The following HYDIN variants were observed in gnomAD, a reference collection of about 807,000 sequenced individuals.
The protein encoded by HYDIN is axonemal central pair apparatus protein HYDIN.
Under a neutral mutation model 403.9 loss-of-function variants are expected in HYDIN, and 132 were observed. The observed-to-expected ratio is 0.33, with a 90% confidence interval of 0.28 to 0.38. The LOEUF is 0.38. Ranked by LOEUF, HYDIN falls within the 10% of genes least tolerant of loss-of-function variation. HYDIN has a pLI of 1.00. For synonymous variants in HYDIN, 1,202 were observed against 1,891.7 expected (o/e 0.64, Z 9.46); for missense variants, 2,827 against 5,009.5 (o/e 0.56, Z 13.15).
At position 70,974,296 on chromosome 16, in the gene HYDIN, G is replaced by A. The variant is rs531348075; in HGVS notation, c.4914C>T (p.Phe1638=). The A allele has an allele frequency of 3.8e-6, 6 of 1,593,602 alleles. No homozygotes were observed. The South Asian group carries it at 5.7e-5, about 15-fold the overall frequency. Residue 1638 remains phenylalanine (F), a synonymous_variant, in exon 33 of 86, where the codon TTC becomes TTT. Coordinates refer to ENST00000393567, the MANE Select transcript of HYDIN (RefSeq NM_001270974.2). ...TCTTTACACGATCTAGCTCAGTACT[G>A]AATCCTGGACCAAGACAAAAAAAAA... ...ADKRVLHETG[F]STELDRVKNL...
chr16:70,926,860 G>A (rs1478682568), intron 45 of HYDIN, among the ~76,000 whole-genome samples: 1 of 151,984 alleles, frequency 6.6e-6, no homozygotes, highest in Non-Finnish European at 1.5e-5. Context: ...AAAACTGAAA[G>A]GAAGTTTGAA....
chr16:70,991,171 T>A, intron 25 of HYDIN, 147 bp downstream of exon 25: 1 of 1,087,864 alleles, frequency 9.2e-7, no homozygotes, highest in Non-Finnish European at 1.3e-6. Context: ...CTGGGGTGTT[T>A]GGCTGGGAAG....
rs1347461017 is a variant in HYDIN at position 70,955,418 on chromosome 16, G to C, written c.6273C>G (p.Ile2091Met). 7 of 1,614,068 alleles carry C rather than the reference G, an allele frequency of 4.3e-6. No individual in the cohort carries two copies. Among genetic ancestry groups the C allele is most frequent in the Non-Finnish European group, 5.9e-6 (7 of 1,179,974 alleles). The stretch of plus-strand genomic sequence containing the variant: ...TCACGGACTGCTCTATGGCAGCCCT[G>C]ATGCAGAGCTCACGGGCCCGGATCC... ...IPGIRARELC[I>M]RAAIEQSVKE... Residue 2091 changes from isoleucine to methionine, a missense_variant, in exon 40 of 86, where the codon ATC becomes ATG. Transcript: ENST00000393567.
At chr16:70,891,986 T>C in intron 56 of HYDIN, 102 bp from the exon 57 acceptor site, 2 of 409,582 alleles carry the variant, frequency 4.9e-6, no homozygotes, top group Non-Finnish European at 8.6e-6. Context: ...CATGAAGCCA[T>C]GTTCTTTATT....
chr16:70,976,930 G>C (rs974079618), intron 30 of HYDIN, among the ~76,000 whole-genome samples: 3 of 151,848 alleles, frequency 2.0e-5, no homozygotes, highest in African/African-American at 7.2e-5. Context: ...GTGACAAACT[G>C]GGAGAGGAGC....
At chr16:70,976,533 T>C (rs1430480520) in intron 30 of HYDIN, among the ~76,000 whole-genome samples, 1 of 151,104 alleles carries the variant, frequency 6.6e-6, no homozygotes, top group Non-Finnish European at 1.5e-5. Flanking sequence ...CATACACACA[T>C]GCATGTAAAA....
chr16:71,018,581 TACACATATAAAC>T (rs1230755165), intron 22 of HYDIN, 139 bp from the exon 23 acceptor site: 2 of 631,228 alleles, frequency 3.2e-6, no homozygotes, highest in Non-Finnish European at 5.6e-6. Context: ...TATTTGTGCA[TACACATATAAAC>T]ACACATATTA....
intron 30 of HYDIN, among the ~76,000 whole-genome samples, chr16:70,975,870 G>T (rs2078872357): frequency 9.5e-6 from 1 of 105,578 alleles, no homozygotes; most frequent in Non-Finnish European, 2.0e-5. Context: ...TCTTTGAAAT[G>T]TTATCGCTTT....
At chr16:71,007,408 T>C (rs949964491) in intron 23 of HYDIN, among the ~76,000 whole-genome samples, 2 of 152,154 alleles carry the variant, frequency 1.3e-5, no homozygotes, top group Non-Finnish European at 2.9e-5. Flanking sequence ...AAATATAAAA[T>C]AGATATATAG....
rs547851155 is a variant in HYDIN at position 70,837,570 on chromosome 16, A to C, written c.13242+120T>G. 9.5e-5 allele frequency: 66 copies of C among 696,766 alleles called. No homozygotes were observed. In the East Asian group the frequency reaches 1.8e-3, roughly 19 times the overall value. The allele number at this position is 696,766 out of a possible 1,614,324, so 43.2% of individuals were successfully genotyped here. ...AGTGGGACTCGCTGACCTACAACAG[A>C]GCAGCCTGGGGCAGAGAAGCAGAGG... On this transcript the variant is annotated intron_variant, in intron 77 of 85. Coordinates refer to ENST00000393567, the MANE Select transcript of HYDIN (RefSeq NM_001270974.2).
chr16:70,896,167 G>C, intron 53 of HYDIN, 87 bp from the exon 54 acceptor site: 2 of 1,526,602 alleles, frequency 1.3e-6, no homozygotes, highest in Non-Finnish European at 1.8e-6. Flanking sequence ...CGGGGATACG[G>C]CAGGGAACGT....
chr16:70,928,162 T>C (rs960896180), intron 45 of HYDIN, among the ~76,000 whole-genome samples: 2 of 152,124 alleles, frequency 1.3e-5, no homozygotes, highest in South Asian at 2.1e-4. Context: ...AAAAAATATA[T>C]AGTGAGAATT....
At chr16:71,082,239 T>C (rs995888881) in intron 12 of HYDIN, among the ~76,000 whole-genome samples, 1 of 152,156 alleles carries the variant, frequency 6.6e-6, no homozygotes, top group Non-Finnish European at 1.5e-5. Flanking sequence ...TGAGAACAGA[T>C]GATGTATTAT....
At chr16:71,204,526 T>C (rs2088191852) in intron 1 of HYDIN, among the ~76,000 whole-genome samples, 1 of 152,250 alleles carries the variant, frequency 6.6e-6, no homozygotes, top group South Asian at 2.1e-4. Flanking sequence ...TACTAGCAGA[T>C]ACTTGTTAAA....
At chr16:71,016,945 G>A (rs2080278985) in intron 23 of HYDIN, among the ~76,000 whole-genome samples, 2 of 151,066 alleles carry the variant, frequency 1.3e-5, no homozygotes, top group African/African-American at 4.9e-5. Flanking sequence ...CCCACATGCT[G>A]AGGGAGGGAC....
At chr16:71,062,070 G>T in intron 17 of HYDIN, 99 bp downstream of exon 17, 1 of 992,256 alleles carries the variant, frequency 1.0e-6, no homozygotes, top group Non-Finnish European at 1.5e-6. Context: ...AAGCAACTGG[G>T]GTGTATGTGA....
In HYDIN at chr16:71,031,729, A is replaced by G; in HGVS notation, c.2718T>C (p.Ile906=). The change falls in exon 19 of 86, where the codon ATT becomes ATC. Residue 906 remains isoleucine (I), a synonymous_variant. Coordinates refer to ENST00000393567, the MANE Select transcript of HYDIN (RefSeq NM_001270974.2). Reference sequence around the variant, plus strand: ...CTGGAGCAAAGGGCTTATCTGAAACAATAGTGGAACCAGTTCCGGAAGCCT... The same window carrying G: ...CTGGAGCAAAGGGCTTATCTGAAACGATAGTGGAACCAGTTCCGGAAGCCT... ...PVQASGTGST[I]VSDKPFAPEL... The G allele has an allele frequency of 1.4e-6, 2 of 1,393,070 alleles. No individual in the cohort carries two copies. Among genetic ancestry groups the G allele is most frequent in the Non-Finnish European group, 2.0e-6 (2 of 995,590 alleles). The allele number at this position is 1,393,070 out of a possible 1,614,324, so 86.3% of individuals were successfully genotyped here. A position where few individuals can be genotyped will look rare whatever the true frequency, so the allele number is the denominator to read the frequency against.
intron 71 of HYDIN, among the ~76,000 whole-genome samples, chr16:70,859,753 T>C (rs549898987): frequency 7.8e-4 from 119 of 152,310 alleles, no homozygotes; most frequent in African/African-American, 2.7e-3. Flanking sequence ...TAACTTTTTA[T>C]GCTACTCTAT....
rs761287003 is a variant in HYDIN at position 70,955,416 on chromosome 16, C to T, written c.6275G>A (p.Arg2092Lys). The T allele has an allele frequency of 1.2e-6, 2 of 1,613,982 alleles. No homozygotes were observed. Among genetic ancestry groups the T allele is most frequent in the Middle Eastern group, 1.7e-4 (1 of 6,042 alleles). Residue 2092 changes from arginine to lysine, a missense_variant, in exon 40 of 86, where the codon AGG becomes AAG. Transcript: ENST00000393567. The stretch of plus-strand genomic sequence containing the variant: ...CTTCACGGACTGCTCTATGGCAGCC[C>T]TGATGCAGAGCTCACGGGCCCGGAT... Reference protein sequence around the residue: ...PGIRARELCIRAAIEQSVKEG... With the variant: ...PGIRARELCIKAAIEQSVKEG...
Sources: gnomAD v4.1 joint callset for allele counts (sites outside exome capture counted in the v4.1 genomes callset) on GRCh38, gnomAD v4.1.1 for gene constraint, MANE v1.5 for transcripts, NCBI Gene and HGNC (gene_info 2026-07-23, HGNC 2026-07-21) for gene names.